Variants in AXL observed in about 807,000 individuals in gnomAD.
AXL encodes AXL receptor tyrosine kinase, also known as tyrosine-protein kinase receptor UFO.
A neutral mutation model predicts 104.5 loss-of-function variants in AXL; 52 were observed. The observed-to-expected ratio is 0.50, with a 90% CI of 0.40 to 0.63. The LOEUF is 0.63. AXL is among the 20% of genes least tolerant of loss of function. The pLI is 0.00. For synonymous variants in AXL, 455 were observed against 473.7 expected (o/e 0.96, Z 0.51); for missense variants, 1,024 against 1,188.5 (o/e 0.86, Z 2.04).
chr19:41,226,850 T>C (rs2033891283), intron 4 of AXL: 1 of 960,770 alleles, frequency 1.0e-6, no homozygotes, highest in Non-Finnish European at 1.2e-6. Flanking sequence ...ATCCAGCACT[T>C]TGGGAGGCCG....
At chr19:41,250,771 G>C (rs762172152) in intron 14 of AXL, among the ~76,000 whole-genome samples, 48 of 152,042 alleles carry the variant, frequency 3.2e-4, no homozygotes, top group Non-Finnish European at 5.9e-4. Flanking sequence ...ACAGAGTCTT[G>C]CTCGTTGCCC....
In AXL at chr19:41,230,974, C is replaced by T; in HGVS notation, c.594C>T (p.Asn198=). 1 of 1,613,876 alleles carries T rather than the reference C, an allele frequency of 6.2e-7. No individual in the cohort carries two copies. The highest frequency in any genetic ancestry group is 8.5e-7 in the Non-Finnish European group (1 of 1,179,872). ...CCTCATATGACTCCCTAGGGCTGAACAAGACATCCTCTTTCTCCTGCGAAG... is the reference window on the plus strand; with the variant it reads ...CCTCATATGACTCCCTAGGGCTGAATAAGACATCCTCTTTCTCCTGCGAAG... ...PQRSLHVPGL[N]KTSSFSCEAH... Residue 198 remains asparagine (N), a synonymous_variant, in exon 5 of 20, where the codon AAC becomes AAT. Transcript: ENST00000301178.
rs376497968 is a variant in AXL, at chr19:41,251,433, A to C, written c.1712-918A>C. ...AAAAATTAGCTGGGCATGGTGGTGC[A>C]TGCCTGTAATCCCAGCTACTCGGGA... is the stretch of plus-strand genomic sequence containing the variant. On this transcript the variant is annotated intron_variant, in intron 14 of 19. Coordinates refer to ENST00000301178, the MANE Select transcript of AXL (RefSeq NM_021913.5). 6.6e-5 allele frequency among the ~76,000 whole-genome samples: 10 copies of C among 151,952 alleles called. No homozygotes were observed. The East Asian group carries it at 7.7e-4, about 12-fold the overall frequency.
intron 6 of AXL, among the ~76,000 whole-genome samples, chr19:41,233,397 G>A (rs1254223475): frequency 6.6e-6 from 1 of 150,616 alleles, no homozygotes; most frequent in Non-Finnish European, 1.5e-5. Flanking sequence ...GAAAATAGTG[G>A]CTATTGGCTG....
At chr19:41,222,196 T>C in intron 4 of AXL, 140 bp downstream of exon 4, 1 of 965,284 alleles carries the variant, frequency 1.0e-6, no homozygotes, top group Non-Finnish European at 1.5e-6. Flanking sequence ...TTTCTCCCTC[T>C]GAGTCTGTCT....
intron 4 of AXL, among the ~76,000 whole-genome samples, chr19:41,229,481 TCTCTAA>T (rs2122215505): frequency 6.6e-6 from 1 of 152,156 alleles, no homozygotes; most frequent in Admixed American, 6.5e-5. Flanking sequence ...CCCAGGCTGG[TCTCTAA>T]CTCCTGGCCT....
rs530976426 is a variant in AXL, at chr19:41,247,503, C to CA, written c.1538-1000dup. Among the ~76,000 whole-genome samples, 101 of 139,450 alleles carry CA rather than the reference C, an allele frequency of 7.2e-4. No individual in the cohort carries two copies. In the South Asian group the frequency reaches 8.4e-3, roughly 12 times the overall value. 91.5% of individuals were successfully genotyped at this position (139,450 alleles called of 152,430 possible). A position where few individuals can be genotyped will look rare whatever the true frequency, so the allele number is the denominator to read the frequency against. On this transcript the variant is annotated intron_variant, in intron 12 of 19. Coordinates refer to ENST00000301178, the MANE Select transcript of AXL (RefSeq NM_021913.5). ...GGGCAACAGGAACGAAACTCCATCT[C>CA]AAAAAAAAAAAGAAAAGAAAATCCA...
chr19:41,238,198 A>G (rs747442436), intron 7 of AXL, 44 bp downstream of exon 7: 171 of 1,599,284 alleles, frequency 1.1e-4, no homozygotes, highest in Admixed American at 8.0e-4. Context: ...GCCCCACCGG[A>G]CCTTGCTTAT....
rs933577632 is a variant in AXL at position 41,249,834 on chromosome 19, G to A, written c.1711+1014G>A. ...ACCAAGGGAATACCAGAAGCAGAGA[G>A]AGGGTGAAATACCCTGGCTTCTCCC... On this transcript the variant is annotated intron_variant, in intron 14 of 19. Coordinates refer to ENST00000301178, the MANE Select transcript of AXL (RefSeq NM_021913.5). 3.3e-5 allele frequency among the ~76,000 whole-genome samples: 5 copies of A among 151,986 alleles called. No homozygotes were observed. The East Asian group carries it at 9.7e-4, about 29-fold the overall frequency.
At chr19:41,250,654 G>A (rs1396907044) in intron 14 of AXL, among the ~76,000 whole-genome samples, 1 of 152,156 alleles carries the variant, frequency 6.6e-6, no homozygotes, top group African/African-American at 2.4e-5. Flanking sequence ...TGTTGGCCAG[G>A]ATGGTCTCTA....
At chr19:41,230,699 G>T (rs1171771638) in intron 4 of AXL, among the ~76,000 whole-genome samples, 1 of 151,938 alleles carries the variant, frequency 6.6e-6, no homozygotes, top group East Asian at 1.9e-4. Context: ...GCCTGTGCCT[G>T]TGCCTGTGTG....
intron 6 of AXL, among the ~76,000 whole-genome samples, chr19:41,235,381 G>A (rs781549896): frequency 2.3e-5 from 1 of 42,980 alleles, no homozygotes; most frequent in African/African-American, 1.1e-4. Context: ...TAGATAGATA[G>A]ATAGATAGAT....
At chr19:41,233,108 G>C (rs1460057194) in intron 6 of AXL, among the ~76,000 whole-genome samples, 1 of 151,714 alleles carries the variant, frequency 6.6e-6, no homozygotes, top group Admixed American at 6.6e-5. Context: ...TCTTGCCTCA[G>C]CCTCCTGAGT....
chr19:41,239,126 G>A (rs1435370319), intron 8 of AXL, 38 bp from the exon 9 acceptor site: 2 of 1,610,076 alleles, frequency 1.2e-6, no homozygotes. Context: ...CAGCTGGGGG[G>A]TAAGGTTCTA....
At position 41,259,847 on chromosome 19, in the gene AXL, C is replaced by T. The variant is rs61737388; in HGVS notation, c.2628C>T (p.Pro876=). 1.2e-3 allele frequency: 2,006 copies of T among 1,610,510 alleles called. 29 individuals carry two copies. In the African/African-American group the frequency reaches 0.022, roughly 18 times the overall value. ...YVLCPSTTPS[P]AQPADRGSPA... is the part of the protein sequence containing the mutation. ...TCTGCCCTTCCACAACCCCTAGCCC[C>T]GCTCAGCCTGCTGATAGGGGCTCCC... Residue 876 remains proline, a synonymous_variant, in exon 20 of 20, where the codon CCC becomes CCT. Transcript: ENST00000301178.
At chr19:41,228,470 C>G (rs147362533) in intron 4 of AXL, among the ~76,000 whole-genome samples, 72 of 152,272 alleles carry the variant, frequency 4.7e-4, no homozygotes, top group African/African-American at 1.6e-3. Flanking sequence ...AGGAGAATGG[C>G]TTGAACCCAG....
At chr19:41,249,083 G>A (rs569896028) in intron 14 of AXL, among the ~76,000 whole-genome samples, 1 of 152,218 alleles carries the variant, frequency 6.6e-6, no homozygotes, top group Admixed American at 6.5e-5. Context: ...TAGGCCTGAA[G>A]GGTAGAGGGA....
At chr19:41,228,777 T>A (rs763413236) in intron 4 of AXL, among the ~76,000 whole-genome samples, 2 of 152,114 alleles carry the variant, frequency 1.3e-5, no homozygotes, top group African/African-American at 2.4e-5. Flanking sequence ...AGAGCTGACA[T>A]TCTAGTGGGA....
intron 4 of AXL, among the ~76,000 whole-genome samples, chr19:41,226,585 C>T (rs546088256): frequency 2.0e-5 from 3 of 152,362 alleles, no homozygotes; most frequent in East Asian, 1.9e-4. Flanking sequence ...AACTTTGTGT[C>T]TGCGGATGGA....
Sources: allele counts gnomAD v4.1 joint callset (sites outside exome capture counted in the v4.1 genomes callset), GRCh38; gene constraint gnomAD v4.1.1; transcripts MANE v1.5; gene names NCBI Gene and HGNC (gene_info 2026-07-23, HGNC 2026-07-21).